The following SLC6A11 variants were observed in gnomAD, a reference collection of about 807,000 sequenced individuals.
The protein encoded by SLC6A11 is solute carrier family 6 member 11, also known as sodium- and chloride-dependent GABA transporter 3.
In SLC6A11, 25 loss-of-function variants were observed where a neutral mutation model predicts 74.8. That is an observed-to-expected ratio of 0.33 (90% CI 0.24 to 0.47). SLC6A11 has a LOEUF of 0.47. Ranked by LOEUF, SLC6A11 falls within the 20% of genes least tolerant of loss-of-function variation. SLC6A11 has a pLI of 1.00. For missense variants in SLC6A11, 574 were observed against 837.0 expected (o/e 0.69, Z 3.88); for synonymous variants, 330 against 330.2 (o/e 1.00, Z 0.01).
intron 6 of SLC6A11, among the ~76,000 whole-genome samples, chr3:10,893,138 C>T (rs1215420139): frequency 6.6e-6 from 1 of 152,108 alleles, no homozygotes; most frequent in East Asian, 1.9e-4. Flanking sequence ...CTTCTCCAGC[C>T]CTGTCACCTG....
intron 6 of SLC6A11, among the ~76,000 whole-genome samples, chr3:10,891,421 C>CA (rs1351466922): frequency 6.6e-6 from 1 of 152,208 alleles, no homozygotes; most frequent in Non-Finnish European, 1.5e-5. Context: ...TACCCTTATT[C>CA]ATGCTTAATT....
chr3:10,900,158 T>C (rs969736910), intron 6 of SLC6A11, among the ~76,000 whole-genome samples: 1 of 152,116 alleles, frequency 6.6e-6, no homozygotes, highest in Non-Finnish European at 1.5e-5. Context: ...TAGGAGAAAA[T>C]AATGAACTTT....
intron 6 of SLC6A11, among the ~76,000 whole-genome samples, chr3:10,881,312 A>G (rs1694972616): frequency 6.6e-6 from 1 of 152,226 alleles, no homozygotes; most frequent in Non-Finnish European, 1.5e-5. Flanking sequence ...GCTACTCTGG[A>G]GGCTGAGGCA....
chr3:10,878,781 C>T (rs548746840), intron 6 of SLC6A11, among the ~76,000 whole-genome samples: 2 of 152,110 alleles, frequency 1.3e-5, no homozygotes, highest in African/African-American at 4.8e-5. Context: ...GCCCACCATG[C>T]ACCACCCCCA....
intron 5 of SLC6A11, among the ~76,000 whole-genome samples, chr3:10,854,983 C>T (rs981416510): frequency 2.4e-4 from 36 of 149,532 alleles, no homozygotes; most frequent in African/African-American, 7.9e-4. Flanking sequence ...GTGGGTAAGT[C>T]GATGGATGGG....
chr3:10,819,746 T>C lies in SLC6A11; in HGVS notation c.426T>C (p.His142=). Residue 142 remains histidine (H), a synonymous_variant, in exon 3 of 14, where the codon CAT becomes CAC. Transcript: ENST00000254488. ...IGYATQVIEA[H]LNVYYIIILA... is the part of the protein sequence containing the mutation. ...ATGCAACACAGGTGATTGAGGCCCA[T>C]CTGAATGTGTACTACATCATCATCC... 6.2e-7 allele frequency: 1 copy of C among 1,614,276 alleles called. No homozygotes were observed. Among genetic ancestry groups the C allele is most frequent in the East Asian group, 2.2e-5 (1 of 44,884 alleles).
intron 4 of SLC6A11, among the ~76,000 whole-genome samples, chr3:10,837,158 A>G (rs1348248525): frequency 2.0e-5 from 3 of 152,140 alleles, no homozygotes; most frequent in Admixed American, 6.5e-5. Flanking sequence ...TGCTTGAAGG[A>G]TGGTTAGAAT....
intron 5 of SLC6A11, among the ~76,000 whole-genome samples, chr3:10,865,545 C>T (rs1287382702): frequency 6.6e-6 from 1 of 152,188 alleles, no homozygotes; most frequent in Non-Finnish European, 1.5e-5. Context: ...CACCTGTAGT[C>T]CCAGCTACTT....
At chr3:10,877,434 C>G (rs541263442) in intron 6 of SLC6A11, among the ~76,000 whole-genome samples, 1 of 152,348 alleles carries the variant, frequency 6.6e-6, no homozygotes, top group Admixed American at 6.5e-5. Flanking sequence ...AGACTGTGTT[C>G]CTTCCTCCAG....
intron 6 of SLC6A11, 89 bp downstream of exon 6, chr3:10,875,184 C>A: frequency 8.2e-7 from 1 of 1,218,628 alleles, no homozygotes. Context: ...TGAGATTCAA[C>A]AGCTGGTTGA....
chr3:10,935,715 C>T (rs1255047853), intron 13 of SLC6A11, among the ~76,000 whole-genome samples: 1 of 152,134 alleles, frequency 6.6e-6, no homozygotes, highest in Non-Finnish European at 1.5e-5. Flanking sequence ...GTCACACAGC[C>T]AACAGTTAGC....
intron 4 of SLC6A11, among the ~76,000 whole-genome samples, chr3:10,841,835 G>T (rs1307292296): frequency 6.6e-6 from 1 of 152,184 alleles, no homozygotes; most frequent in Non-Finnish European, 1.5e-5. Flanking sequence ...GTGTGTATGT[G>T]CATGTGTGCA....
At chr3:10,879,333 G>A (rs551207209) in intron 6 of SLC6A11, among the ~76,000 whole-genome samples, 46 of 152,242 alleles carry the variant, frequency 3.0e-4, no homozygotes, top group Middle Eastern at 3.4e-3. Context: ...AGAGGGAAAG[G>A]AAAACAAAAC....
intron 5 of SLC6A11, among the ~76,000 whole-genome samples, chr3:10,852,669 G>A (rs1049465000): frequency 2.0e-5 from 3 of 152,226 alleles, no homozygotes; most frequent in Non-Finnish European, 4.4e-5. Flanking sequence ...GGCACTTGGC[G>A]CCTGTGCAGC....
intron 5 of SLC6A11, among the ~76,000 whole-genome samples, chr3:10,862,023 G>A (rs1281239540): frequency 2.6e-5 from 4 of 152,180 alleles, no homozygotes; most frequent in Admixed American, 6.5e-5. Context: ...CGGCCCCTGA[G>A]TATGGGATCC....
intron 5 of SLC6A11, among the ~76,000 whole-genome samples, chr3:10,850,681 ATGG>A (rs1030074543): frequency 6.6e-6 from 1 of 152,088 alleles, no homozygotes; most frequent in African/African-American, 2.4e-5. Flanking sequence ...ATTGAGAAAG[ATGG>A]TGGCATGAGA....
chr3:10,894,810 A>G (rs1366202357), intron 6 of SLC6A11, among the ~76,000 whole-genome samples: 3 of 152,238 alleles, frequency 2.0e-5, no homozygotes, highest in Non-Finnish European at 4.4e-5. Context: ...TCTTGCCACA[A>G]AAAAACCAAG....
At chr3:10,843,138 G>A (rs756139407) in intron 4 of SLC6A11, among the ~76,000 whole-genome samples, 10 of 152,106 alleles carry the variant, frequency 6.6e-5, no homozygotes, top group Non-Finnish European at 1.3e-4. Context: ...ATGGAGCGTG[G>A]CGAGTTTGAC....
At chr3:10,852,457 A>G (rs1039515635) in intron 5 of SLC6A11, among the ~76,000 whole-genome samples, 5 of 152,206 alleles carry the variant, frequency 3.3e-5, no homozygotes, top group Middle Eastern at 3.2e-3. Context: ...TTTAGCGGGA[A>G]CCCTGGCAGC....
Sources: gnomAD v4.1 joint callset for allele counts (sites outside exome capture counted in the v4.1 genomes callset) on GRCh38, gnomAD v4.1.1 for gene constraint, MANE v1.5 for transcripts, NCBI Gene and HGNC (gene_info 2026-07-23, HGNC 2026-07-21) for gene names.